Variants in GDAP1 observed in about 807,000 individuals in gnomAD.
GDAP1 encodes the protein ganglioside induced differentiation associated protein 1.
A neutral mutation model predicts 40.1 loss-of-function variants in GDAP1; 34 were observed. That is an observed-to-expected ratio of 0.85 (90% CI 0.64 to 1.13). The LOEUF is 1.13. Among genes scored for constraint, GDAP1 ranks in the 50% most tolerant of loss-of-function variants. The probability of loss-of-function intolerance (pLI) is 0.00; values close to 1 mark genes in which losing one functional copy is unlikely to be tolerated. For missense variants in GDAP1, 374 were observed against 433.7 expected (o/e 0.86, Z 1.22); for synonymous variants, 170 against 157.4 (o/e 1.08, Z -0.60).
chr8:74,460,846 A>G (rs1269928539), intron 2 of GDAP1, among the ~76,000 whole-genome samples: 1 of 152,198 alleles, frequency 6.6e-6, no homozygotes, highest in African/African-American at 2.4e-5. Flanking sequence ...TGGAGGAGAA[A>G]GAGGAGAAGA....
intron 2 of GDAP1, among the ~76,000 whole-genome samples, chr8:74,460,044 A>T (rs1317013087): frequency 6.6e-6 from 1 of 152,206 alleles, no homozygotes; most frequent in Non-Finnish European, 1.5e-5. Flanking sequence ...TACAACATCT[A>T]GTCTTTAATA....
chr8:74,357,717 A>G (rs575865466), intron 2 of GDAP1, among the ~76,000 whole-genome samples: 43 of 152,148 alleles, frequency 2.8e-4, no homozygotes, highest in Admixed American at 1.2e-3. Context: ...CCACTCCCCA[A>G]TGCTGGGACC....
At chr8:74,353,307 G>A (rs1808960836) in intron 2 of GDAP1, among the ~76,000 whole-genome samples, 1 of 152,156 alleles carries the variant, frequency 6.6e-6, no homozygotes, top group African/African-American at 2.4e-5. Flanking sequence ...AAGAGTCCTA[G>A]CTTTTAGTCT....
intron 2 of GDAP1, among the ~76,000 whole-genome samples, chr8:74,417,415 T>C (rs1314310172): frequency 2.0e-5 from 3 of 149,952 alleles, no homozygotes; most frequent in Non-Finnish European, 2.9e-5. Flanking sequence ...TTAAAAGATA[T>C]ATAGATTGGA....
Position 74,362,083 on chromosome 8 carries a change from G to T in GDAP1, c.579+105G>T, listed in dbSNP as rs551975044. On this transcript the variant is annotated intron_variant, in intron 4 of 5. Coordinates refer to ENST00000220822, the MANE Select transcript of GDAP1 (RefSeq NM_018972.4). The stretch of plus-strand genomic sequence containing the variant: ...AGAATATCTTCTTTTAAATATTGCA[G>T]TTCACCAGTACACATGTTACCTTTG... 35 of 724,812 alleles carry T rather than the reference G, an allele frequency of 4.8e-5. 2 individuals are homozygous for T. The highest frequency in any genetic ancestry group is 2.8e-4 in the Admixed American group (14 of 49,652). 44.9% of individuals were successfully genotyped at this position (724,812 alleles called of 1,614,324 possible).
At chr8:74,400,067 C>T (rs368808449) in intron 2 of GDAP1, among the ~76,000 whole-genome samples, 1,947 of 147,462 alleles carry the variant, frequency 0.013, 139 homozygotes, top group African/African-American at 0.032. Context: ...CTATTAGGTC[C>T]GCTTGGTGCA....
chr8:74,459,203 G>A (rs1806371430), intron 2 of GDAP1, among the ~76,000 whole-genome samples: 1 of 152,106 alleles, frequency 6.6e-6, no homozygotes, highest in Non-Finnish European at 1.5e-5. Context: ...AAGCAGAGAA[G>A]TACCAGAAAT....
chr8:74,405,660 G>T lies in GDAP1; in HGVS notation c.165+54339G>T, dbSNP rs113533921. On this transcript the variant is annotated intron_variant, in intron 2 of 2. Coordinates refer to the GDAP1 transcript ENST00000523640. Reference sequence around the variant, plus strand: ...AATGTATGTGGACTTAATTTTTCTTGAATTTAAAAATAATATTTTGAGTGA... The same window carrying T: ...AATGTATGTGGACTTAATTTTTCTTTAATTTAAAAATAATATTTTGAGTGA... Among the ~76,000 whole-genome samples, 701 of 149,986 alleles carry T rather than the reference G, an allele frequency of 4.7e-3. 70 individuals are homozygous for T. The highest frequency in any genetic ancestry group is 0.015 in the African/African-American group (602 of 39,372).
intron 2 of GDAP1, among the ~76,000 whole-genome samples, chr8:74,466,564 A>C (rs1248050426): frequency 6.6e-6 from 1 of 152,214 alleles, no homozygotes; most frequent in African/African-American, 2.4e-5. Flanking sequence ...AGATTCGCTG[A>C]TAGATTGGAT....
At chr8:74,398,501 C>G (rs926433217) in intron 2 of GDAP1, among the ~76,000 whole-genome samples, 3 of 152,152 alleles carry the variant, frequency 2.0e-5, no homozygotes, top group East Asian at 3.9e-4. Context: ...CAAACAGGGA[C>G]AATTTGACTT....
chr8:74,465,461 G>A (rs1586843124), intron 2 of GDAP1, among the ~76,000 whole-genome samples: 1 of 151,946 alleles, frequency 6.6e-6, no homozygotes. Flanking sequence ...CTGCCCCACA[G>A]AGTTCAAGCC....
Position 74,365,011 on chromosome 8 carries a change from G to T in GDAP1, c.*644G>T, listed in dbSNP as rs913538379. 6 of 454,078 alleles carry T rather than the reference G, an allele frequency of 1.3e-5. No homozygotes were observed. Among genetic ancestry groups the T allele is most frequent in the Non-Finnish European group, 1.8e-5 (4 of 226,794 alleles). The allele number at this position is 454,078 out of a possible 1,614,324, so 28.1% of individuals were successfully genotyped here. A position where few individuals can be genotyped will look rare whatever the true frequency, so the allele number is the denominator to read the frequency against. On this transcript the variant is annotated 3_prime_UTR_variant, in exon 6 of 6. Transcript: ENST00000220822. ...GCAATTTGAATTACCAAGTGGTAATGGTTCCTTACTGTTTTAGATGGTGCC... is the reference window on the plus strand; with the variant it reads ...GCAATTTGAATTACCAAGTGGTAATTGTTCCTTACTGTTTTAGATGGTGCC...
chr8:74,480,635 G>C lies in GDAP1; in HGVS notation c.166-8043G>C, dbSNP rs79730526. On this transcript the variant is annotated intron_variant, in intron 2 of 2. Transcript: ENST00000523640. ...TACAGAAGCTCCTAGCTTCCTTACT[G>C]TCTTCCTCTATCTATGTGTTGGTCA... Among the ~76,000 whole-genome samples, 1,388 of 152,306 alleles carry C rather than the reference G, an allele frequency of 9.1e-3. 16 individuals carry two copies. The highest frequency in any genetic ancestry group is 0.031 in the African/African-American group (1,301 of 41,568).
intron 2 of GDAP1, among the ~76,000 whole-genome samples, chr8:74,449,895 C>A (rs1009078418): frequency 4.0e-5 from 6 of 151,586 alleles, no homozygotes; most frequent in African/African-American, 1.5e-4. Context: ...ATGGTTTTGT[C>A]TGCATCTTTT....
chr8:74,472,095 C>T (rs1051256069), intron 2 of GDAP1, among the ~76,000 whole-genome samples: 5 of 152,170 alleles, frequency 3.3e-5, no homozygotes, highest in African/African-American at 1.2e-4. Flanking sequence ...TCCTCTCACA[C>T]TCCACTCTCC....
rs1431503797 is a variant in GDAP1, at chr8:74,402,136, G to C, written c.165+50815G>C. Among the ~76,000 whole-genome samples the C allele has an allele frequency of 1.3e-5, 2 of 150,344 alleles. 1 individual carries two copies. The highest frequency in any genetic ancestry group is 5.0e-5 in the African/African-American group (2 of 39,646). On this transcript the variant is annotated intron_variant, in intron 2 of 2. Transcript: ENST00000523640. Reference sequence around the variant, plus strand: ...AGAGGTTACTGCTGCCTTTTTGTTTGTCTGTGCCCTGCCCCCAGAGGTGGA... The same window carrying C: ...AGAGGTTACTGCTGCCTTTTTGTTTCTCTGTGCCCTGCCCCCAGAGGTGGA...
At chr8:74,367,258 TTTATG>T (rs1809675067), downstream of GDAP1, among the ~76,000 whole-genome samples, 1 of 152,216 alleles carries the variant, frequency 6.6e-6, no homozygotes, top group African/African-American at 2.4e-5. Flanking sequence ...ATTACTCATA[TTTATG>T]TATATTTTTG....
intron 2 of GDAP1, among the ~76,000 whole-genome samples, chr8:74,476,335 G>T (rs1806628666): frequency 1.3e-5 from 2 of 152,132 alleles, no homozygotes; most frequent in African/African-American, 4.8e-5. Context: ...TGTGTCATTA[G>T]CTGATTATTA....
At chr8:74,400,914 A>C (rs10091634) in intron 2 of GDAP1, among the ~76,000 whole-genome samples, 73,092 of 149,128 alleles carry the variant, frequency 0.49, 19,137 homozygotes, top group Middle Eastern at 0.56. Context: ...GTTTCTGCCG[A>C]GAGATCCGCT....
Sources: gnomAD v4.1 joint callset for allele counts (sites outside exome capture counted in the v4.1 genomes callset) on GRCh38, gnomAD v4.1.1 for gene constraint, MANE v1.5 for transcripts, NCBI Gene and HGNC (gene_info 2026-07-23, HGNC 2026-07-21) for gene names.